The following PTPRM variants were observed in gnomAD, a reference collection of about 807,000 sequenced individuals.
PTPRM encodes the protein protein tyrosine phosphatase receptor type M.
A neutral mutation model predicts 186.7 loss-of-function variants in PTPRM; 47 were observed. That is an observed-to-expected ratio of 0.25 (90% CI 0.20 to 0.32). The LOEUF (loss-of-function observed/expected upper bound fraction) is 0.32, where lower values mean the gene tolerates loss of function less well. Ranked by LOEUF, PTPRM falls within the 10% of genes least tolerant of loss-of-function variation. The pLI is 1.00. For synonymous variants in PTPRM, 668 were observed against 674.9 expected (o/e 0.99, Z 0.16); for missense variants, 1,494 against 1,865.0 (o/e 0.80, Z 3.66).
intron 1 of PTPRM, among the ~76,000 whole-genome samples, chr18:7,649,913 A>G (rs534548100): frequency 5.3e-5 from 8 of 152,168 alleles, no homozygotes; most frequent in South Asian, 4.1e-4. Flanking sequence ...TAGCAATAAC[A>G]TATTTTTAAA....
chr18:7,691,568 A>G lies in PTPRM; in HGVS notation c.74-82581A>G, dbSNP rs377667450. On this transcript the variant is annotated intron_variant, in intron 1 of 32. Coordinates refer to ENST00000580170, the MANE Select transcript of PTPRM (RefSeq NM_001105244.2). ...TCCTAACTGCATATTAAAATCAGTG[A>G]TGGTACCTTTGATCAAGCCTGAGGA... Among the ~76,000 whole-genome samples the G allele has an allele frequency of 1.8e-4, 27 of 152,256 alleles. 1 individual carries two copies. The highest frequency in any genetic ancestry group is 9.2e-4 in the Admixed American group (14 of 15,292).
intron 2 of PTPRM, among the ~76,000 whole-genome samples, chr18:7,825,963 TTCCATAA>T (rs1179358620): frequency 6.6e-6 from 1 of 152,212 alleles, no homozygotes; most frequent in African/African-American, 2.4e-5. Context: ...ACCATATTTA[TTCCATAA>T]GGATAGATAG....
At chr18:8,375,939 C>T in intron 24 of PTPRM, 107 bp from the exon 25 acceptor site, 1 of 1,257,998 alleles carries the variant, frequency 7.9e-7, no homozygotes, top group Non-Finnish European at 1.1e-6. Context: ...TTTCCTGGCC[C>T]TAGACTTGCT....
chr18:7,889,827 A>G (rs1027731481), intron 3 of PTPRM, among the ~76,000 whole-genome samples: 1 of 152,206 alleles, frequency 6.6e-6, no homozygotes, highest in Non-Finnish European at 1.5e-5. Flanking sequence ...TACCAGATGT[A>G]GATGGAGTCC....
chr18:8,228,798 A>G (rs1043718821), intron 14 of PTPRM, among the ~76,000 whole-genome samples: 8 of 152,002 alleles, frequency 5.3e-5, no homozygotes, highest in Non-Finnish European at 8.8e-5. Context: ...GGTTGCAGTG[A>G]GCCGAGATCA....
intron 14 of PTPRM, among the ~76,000 whole-genome samples, chr18:8,144,937 T>TG (rs1377518149): frequency 1.3e-5 from 2 of 152,160 alleles, no homozygotes; most frequent in East Asian, 3.8e-4. Flanking sequence ...GTGGAGAGGT[T>TG]GGCAGAGTGA....
intron 5 of PTPRM, among the ~76,000 whole-genome samples, chr18:7,944,408 T>C (rs2052382824): frequency 6.6e-6 from 1 of 152,228 alleles, no homozygotes; most frequent in Admixed American, 6.5e-5. Context: ...TTGACATCAG[T>C]TGGACTCACA....
At chr18:7,578,120 TAAA>T (rs1358216712) in intron 1 of PTPRM, among the ~76,000 whole-genome samples, 1 of 152,058 alleles carries the variant, frequency 6.6e-6, no homozygotes, top group Non-Finnish European at 1.5e-5. Flanking sequence ...TATTTCATTT[TAAA>T]ATACCCTGCA....
At chr18:7,800,888 C>T (rs953796594) in intron 2 of PTPRM, among the ~76,000 whole-genome samples, 3 of 152,106 alleles carry the variant, frequency 2.0e-5, no homozygotes, top group South Asian at 4.2e-4. Context: ...TAAGTATTAA[C>T]GTATCTAAAC....
intron 7 of PTPRM, among the ~76,000 whole-genome samples, chr18:8,011,885 C>G (rs1339491902): frequency 6.6e-6 from 1 of 152,210 alleles, no homozygotes; most frequent in Non-Finnish European, 1.5e-5. Flanking sequence ...TTTATTAGTA[C>G]TTACCTTAAA....
intron 2 of PTPRM, among the ~76,000 whole-genome samples, chr18:7,797,555 C>A (rs1236684209): frequency 1.3e-5 from 2 of 152,196 alleles, no homozygotes; most frequent in Non-Finnish European, 2.9e-5. Flanking sequence ...TTTTGCAGAT[C>A]ATCTAGATGG....
chr18:7,596,700 G>C (rs2037270971), intron 1 of PTPRM, among the ~76,000 whole-genome samples: 2 of 152,016 alleles, frequency 1.3e-5, no homozygotes, highest in Non-Finnish European at 2.9e-5. Context: ...GGGGTACAAG[G>C]GGGGACTGCT....
At chr18:7,871,859 C>G (rs977046228) in intron 2 of PTPRM, among the ~76,000 whole-genome samples, 1 of 152,136 alleles carries the variant, frequency 6.6e-6, no homozygotes, top group Non-Finnish European at 1.5e-5. Flanking sequence ...GTGGTGCTTA[C>G]GACAGTGCCT....
chr18:7,744,793 G>A (rs1266475582), intron 1 of PTPRM, among the ~76,000 whole-genome samples: 2 of 151,992 alleles, frequency 1.3e-5, no homozygotes, highest in African/African-American at 4.8e-5. Context: ...GACTGAGCTG[G>A]GGCTGTATTG....
intron 11 of PTPRM, among the ~76,000 whole-genome samples, chr18:8,109,999 A>G (rs1240850318): frequency 2.6e-5 from 4 of 152,228 alleles, no homozygotes; most frequent in Non-Finnish European, 4.4e-5. Context: ...GGTAATGAAT[A>G]CAAAATAAAC....
chr18:8,112,014 T>C (rs890075876), intron 11 of PTPRM, among the ~76,000 whole-genome samples: 1 of 152,208 alleles, frequency 6.6e-6, no homozygotes, highest in African/African-American at 2.4e-5. Flanking sequence ...ACTTTGACCT[T>C]GACCCTTTAC....
At chr18:7,883,832 G>T (rs1469111661) in intron 2 of PTPRM, among the ~76,000 whole-genome samples, 1 of 152,184 alleles carries the variant, frequency 6.6e-6, no homozygotes, top group Non-Finnish European at 1.5e-5. Flanking sequence ...TGAACAGGGG[G>T]AAATAGAGAT....
intron 14 of PTPRM, among the ~76,000 whole-genome samples, chr18:8,232,471 C>T (rs1054211864): frequency 1.3e-5 from 2 of 152,214 alleles, no homozygotes; most frequent in African/African-American, 4.8e-5. Context: ...TAGCAAGGAG[C>T]ATAACTGCTG....
intron 23 of PTPRM, among the ~76,000 whole-genome samples, chr18:8,348,282 T>A (rs2095516188): frequency 6.6e-6 from 1 of 152,264 alleles, no homozygotes; most frequent in South Asian, 2.1e-4. Context: ...CCTGAAGCGC[T>A]CTGCATTAGG....
Sources: allele counts gnomAD v4.1 joint callset (sites outside exome capture counted in the v4.1 genomes callset), GRCh38; gene constraint gnomAD v4.1.1; transcripts MANE v1.5; gene names NCBI Gene and HGNC (gene_info 2026-07-23, HGNC 2026-07-21).